The following MED13L variants were observed in gnomAD, a reference collection of about 807,000 sequenced individuals.
The protein encoded by MED13L is mediator of RNA polymerase II transcription subunit 13-like.
In MED13L, 7 loss-of-function variants were observed where a neutral mutation model predicts 220.9. The observed-to-expected ratio is 0.03, with a 90% CI of 0.02 to 0.06. The LOEUF (loss-of-function observed/expected upper bound fraction) is 0.06. Ranked by LOEUF, MED13L falls within the 10% of genes least tolerant of loss-of-function variation. The pLI is 1.00. For synonymous variants in MED13L, 1,011 were observed against 1,015.2 expected (o/e 1.00, Z 0.08); for missense variants, 1,965 against 2,760.5 (o/e 0.71, Z 6.46).
chr12:116,236,423 T>C (rs1870087288), intron 2 of MED13L, among the ~76,000 whole-genome samples: 1 of 151,974 alleles, frequency 6.6e-6, no homozygotes, highest in Non-Finnish European at 1.5e-5. Context: ...CAAGCAAAAG[T>C]TGGCAGGAAA....
chr12:116,267,945 A>C (rs1872959609), intron 1 of MED13L, among the ~76,000 whole-genome samples: 1 of 152,240 alleles, frequency 6.6e-6, no homozygotes, highest in Admixed American at 6.5e-5. Context: ...GCCACAGTAC[A>C]TACAGTCTAG....
chr12:116,042,659 A>G (rs1881603945), intron 4 of MED13L, among the ~76,000 whole-genome samples: 1 of 152,218 alleles, frequency 6.6e-6, no homozygotes, highest in African/African-American at 2.4e-5. Context: ...ACTATTTGAA[A>G]GCAGAACTTA....
chr12:116,121,507 A>AG (rs968349783), intron 2 of MED13L, among the ~76,000 whole-genome samples: 5 of 152,116 alleles, frequency 3.3e-5, no homozygotes, highest in Admixed American at 1.3e-4. Context: ...CTTTACTTGA[A>AG]GGGGAAAAAA....
intron 2 of MED13L, among the ~76,000 whole-genome samples, chr12:116,211,067 G>T (rs934562998): frequency 2.0e-5 from 3 of 152,164 alleles, no homozygotes; most frequent in Non-Finnish European, 2.9e-5. Flanking sequence ...GGGAAACTTC[G>T]TGACACTCTA....
chr12:116,006,282 G>A (rs1879042238), intron 12 of MED13L, 24 bp downstream of exon 12: 2 of 1,588,998 alleles, frequency 1.3e-6, no homozygotes, highest in Non-Finnish European at 1.7e-6. Context: ...CAATCCAAGT[G>A]AGGCAAATAA....
At chr12:115,992,793 C>T (rs867335790) in intron 16 of MED13L, among the ~76,000 whole-genome samples, 13 of 152,238 alleles carry the variant, frequency 8.5e-5, no homozygotes, top group Middle Eastern at 3.4e-3. Context: ...ATTTTAGTTG[C>T]CCAAGACTGA....
chr12:116,244,743 G>A (rs1312573079), intron 1 of MED13L, among the ~76,000 whole-genome samples: 1 of 152,168 alleles, frequency 6.6e-6, no homozygotes, highest in African/African-American at 2.4e-5. Context: ...CTTGAACTCA[G>A]AAGTTCTAGA....
intron 4 of MED13L, among the ~76,000 whole-genome samples, chr12:116,067,637 A>G (rs1870049429): frequency 6.6e-6 from 1 of 152,206 alleles, no homozygotes; most frequent in Non-Finnish European, 1.5e-5. Flanking sequence ...GCATCCCCCC[A>G]AAGTTATTCA....
Position 115,982,389 on chromosome 12 carries a change from G to A in MED13L, c.5170C>T (p.Leu1724Phe). ...LPEHMRNSFI[L>F]QIVPCQYMLQ... ...ATAAACTTGCAAACAGTAACCTGGA[G>A]AATGAAAGAATTTCTCATATGCTCA... is the stretch of plus-strand genomic sequence containing the variant. The change falls in exon 22 of 31, where the codon CTC becomes TTC. Residue 1724 changes from leucine to phenylalanine, a missense_variant. This residue lies in a region of MED13L where 510 missense variants were observed against 620.4 expected (regional missense o/e 0.82). Coordinates refer to ENST00000281928, the MANE Select transcript of MED13L (RefSeq NM_015335.5). 6.2e-7 allele frequency: 1 copy of A among 1,609,872 alleles called. No individual in the cohort carries two copies. The highest frequency in any genetic ancestry group is 8.5e-7 in the Non-Finnish European group (1 of 1,176,162).
At chr12:116,147,423 T>TCA (rs1478882675) in intron 2 of MED13L, among the ~76,000 whole-genome samples, 2 of 152,232 alleles carry the variant, frequency 1.3e-5, no homozygotes, top group Non-Finnish European at 2.9e-5. Context: ...ATCAGACTCT[T>TCA]CACATCATAA....
intron 16 of MED13L, among the ~76,000 whole-genome samples, chr12:115,994,350 T>A (rs998651942): frequency 6.6e-6 from 1 of 152,076 alleles, no homozygotes; most frequent in Non-Finnish European, 1.5e-5. Context: ...CTCAGGAGGC[T>A]GATGTGGGAG....
intron 2 of MED13L, among the ~76,000 whole-genome samples, chr12:116,215,420 T>C (rs984509522): frequency 1.3e-5 from 2 of 152,218 alleles, no homozygotes; most frequent in Non-Finnish European, 2.9e-5. Flanking sequence ...CCTATCTATC[T>C]TTCCAGCATC....
rs184821138 is a variant in MED13L, at chr12:116,245,865, C to T, written c.73-8160G>A. On this transcript the variant is annotated intron_variant, in intron 1 of 30. Coordinates refer to ENST00000281928, the MANE Select transcript of MED13L (RefSeq NM_015335.5). ...AGAGGAAATGACCAACAAAACAATT[C>T]ATAACAATTTCCCAGAAAAACAGAA... Among the ~76,000 whole-genome samples the T allele has an allele frequency of 7.2e-4, 110 of 152,168 alleles. 1 individual carries two copies. Among genetic ancestry groups the T allele is most frequent in the African/African-American group, 2.5e-3 (103 of 41,528 alleles).
chr12:115,995,227 T>C lies in MED13L; in HGVS notation c.2996+1249A>G, dbSNP rs143147421. Among the ~76,000 whole-genome samples the C allele has an allele frequency of 3.9e-5, 6 of 152,312 alleles. No individual in the cohort carries two copies. The East Asian group carries it at 1.2e-3, about 29-fold the overall frequency. ...GAGGCTGGACCACAAATTTGTTTTA[T>C]TGGTTCCTTAAGCTCAGCACAATGG... On this transcript the variant is annotated intron_variant, in intron 16 of 30. Transcript: ENST00000281928.
chr12:116,240,769 C>T (rs1035361272), intron 1 of MED13L, among the ~76,000 whole-genome samples: 1 of 151,062 alleles, frequency 6.6e-6, no homozygotes, highest in Non-Finnish European at 1.5e-5. Flanking sequence ...CCTCGTGACC[C>T]GCCCACCTCC....
intron 5 of MED13L, among the ~76,000 whole-genome samples, chr12:116,021,615 C>A (rs758508979): frequency 6.6e-6 from 1 of 151,992 alleles, no homozygotes; most frequent in East Asian, 1.9e-4. Context: ...GCTTTTACAG[C>A]AATTATAATA....
Position 115,983,213 on chromosome 12 carries a change from C to A in MED13L, c.4859G>T (p.Gly1620Val). 1 of 1,614,104 alleles carries A rather than the reference C, an allele frequency of 6.2e-7. No individual in the cohort carries two copies. Among genetic ancestry groups the A allele is most frequent in the South Asian group, 1.1e-5 (1 of 91,076 alleles). Residue 1620 changes from glycine (G) to valine (V), a missense_variant, in exon 21 of 31, where the codon GGC (glycine) becomes GTC (valine). Around this residue, in one of 10 missense-constraint regions of MED13L, gnomAD observed 510 missense variants for 620.4 expected, o/e 0.82. Coordinates refer to ENST00000281928, the MANE Select transcript of MED13L (RefSeq NM_015335.5). ...SVGGQNPSTG[G>V]ISADRTQGNI... is the part of the protein sequence containing the mutation. ...CCCTTGCGTTCTATCCGCAGAAATG[C>A]CCCCAGTGCTGGGGTTCTGCCCTCC...
In MED13L at chr12:116,012,862, A is replaced by C. The variant is rs147976467; in HGVS notation, c.1215T>G (p.Pro405=). 658 of 1,613,978 alleles carry C rather than the reference A, an allele frequency of 4.1e-4. 2 individuals carry two copies. The African/African-American group carries it at 4.7e-3, about 11-fold the overall frequency. ...QMSTPTLEEE[P]ASNPATWDFV... ...AATCCCAAGTAGCAGGATTGCTAGC[A>C]GGCTCTTCTTCAAGAGTTGGAGTTG... Residue 405 remains proline (P), a synonymous_variant, in exon 9 of 31, where the codon CCT becomes CCG. Transcript: ENST00000281928.
At chr12:116,045,711 A>G (rs1274884380) in intron 4 of MED13L, among the ~76,000 whole-genome samples, 1 of 152,160 alleles carries the variant, frequency 6.6e-6, no homozygotes, top group Non-Finnish European at 1.5e-5. Flanking sequence ...CATTAGGATT[A>G]CCAAACGGGA....
Sources: gnomAD v4.1 joint callset for allele counts (sites outside exome capture counted in the v4.1 genomes callset) on GRCh38, gnomAD v4.1.1 for gene constraint, gnomAD v4.1.1 regional missense constraint, MANE v1.5 for transcripts, NCBI Gene and HGNC (gene_info 2026-07-23, HGNC 2026-07-21) for gene names.